Variants in ACAN observed in about 807,000 individuals in gnomAD.
The protein encoded by ACAN is aggrecan.
Under a neutral mutation model 169.1 loss-of-function variants are expected in ACAN, and 47 were observed. That is an observed-to-expected ratio of 0.28 (90% confidence interval 0.22 to 0.35). The LOEUF is 0.35. ACAN is among the 10% of genes least tolerant of loss of function. The probability of loss-of-function intolerance (pLI) is 1.00; values close to 1 mark genes in which losing one functional copy is unlikely to be tolerated. For synonymous variants in ACAN, 1,115 were observed against 1,112.2 expected (o/e 1.00, Z -0.05); for missense variants, 2,716 against 2,759.9 (o/e 0.98, Z 0.36).
At chr15:88,836,312 T>A in intron 2 of ACAN, 36 bp downstream of exon 2, 1 of 1,549,094 alleles carries the variant, frequency 6.5e-7, no homozygotes, top group East Asian at 2.2e-5. Context: ...ACGTATTCAG[T>A]AGGCATGAGT....
In ACAN at chr15:88,858,327, G is replaced by A; in HGVS notation, c.5742G>A (p.Gly1914=). The A allele has an allele frequency of 6.2e-7, 1 of 1,613,964 alleles. No individual in the cohort carries two copies. Among genetic ancestry groups the A allele is most frequent in the Non-Finnish European group, 8.5e-7 (1 of 1,179,900 alleles). Residue 1914 remains glycine (G), a synonymous_variant, in exon 12 of 19, where the codon GGG becomes GGA. Transcript: ENST00000560601. This position sits in a 1 kb window ranked among gnomAD's most constrained non-coding sequence, Gnocchi z 4.0. ...GAGAATCCTCCAGAGCTGAGATTGG[G>A]AGCAGCCTGCCCTCGGGAGCATATT... ...VSGESSRAEI[G]SSLPSGAYYG...
intron 1 of ACAN, among the ~76,000 whole-genome samples, chr15:88,816,453 A>T (rs929476590): frequency 5.9e-5 from 9 of 152,240 alleles, no homozygotes; most frequent in Non-Finnish European, 1.5e-5. Context: ...TTGAGTAGAA[A>T]GTGTTTGAAT....
At chr15:88,815,735 AC>A (rs1895926480) in intron 1 of ACAN, among the ~76,000 whole-genome samples, 1 of 150,398 alleles carries the variant, frequency 6.6e-6, no homozygotes. Flanking sequence ...AATCTAAGCG[AC>A]CCTGAGGTTG....
intron 5 of ACAN, 57 bp downstream of exon 5, chr15:88,841,924 C>G: frequency 5.0e-6 from 8 of 1,602,116 alleles, no homozygotes; most frequent in Non-Finnish European, 6.0e-6. Context: ...CCACCTTCCC[C>G]TCCCCATCTC....
In ACAN at chr15:88,807,747, AGTGTGTGTGTGTGTGTGTGTGT is replaced by A; in HGVS notation, c.-8+3956_-8+3977del. Among the ~76,000 whole-genome samples, 1 of 142,090 alleles carries A rather than the reference AGTGTGTGTGTGTGTGTGTGTGT, an allele frequency of 7.0e-6. No homozygotes were observed. Among genetic ancestry groups the A allele is most frequent in the East Asian group, 2.2e-4 (1 of 4,648 alleles). 93.2% of individuals were successfully genotyped at this position (142,090 alleles called of 152,430 possible). On this transcript the variant is annotated intron_variant, in intron 1 of 18. Coordinates refer to ENST00000560601, the MANE Select transcript of ACAN (RefSeq NM_001369268.1). This position sits in a 1 kb window ranked among gnomAD's most constrained non-coding sequence, Gnocchi z 4.0. ...CTCAGAGCCTCCTTATAAGTGGTGGAGTGTGTGTGTGTGTGTGTGTGTGTGTGTGTGTGTGTGTGCATGCTGG... is the reference window on the plus strand; with the variant it reads ...CTCAGAGCCTCCTTATAAGTGGTGGAGTGTGTGTGTGTGTGTGCATGCTGG...
chr15:88,857,494 G>T lies in ACAN; in HGVS notation c.4909G>T (p.Asp1637Tyr). 6.2e-7 allele frequency: 1 copy of T among 1,613,892 alleles called. No homozygotes were observed. Residue 1637 changes from aspartate (D) to tyrosine (Y), a missense_variant, in exon 12 of 19, where the codon GAC becomes TAC. Physicochemically the swap from Asp to Tyr is radical, Grantham distance 160. This residue lies in a region of ACAN where 1,389 missense variants were observed against 1,363.7 expected (regional missense o/e 1.02). Transcript: ENST00000560601. ...SGFSGEYSGV[D>Y]LGSGPPSGLP... ...ATTTAGTGGTGAGTATTCTGGGGTG[G>T]ACCTTGGAAGTGGCCCACCCTCTGG... is the stretch of plus-strand genomic sequence containing the variant.
chr15:88,853,197 C>G (rs569893750), intron 11 of ACAN, among the ~76,000 whole-genome samples: 1 of 152,162 alleles, frequency 6.6e-6, no homozygotes, highest in Non-Finnish European at 1.5e-5. Context: ...TGGGGAGTTA[C>G]CAGTGGGAAA....
chr15:88,827,318 A>C (rs1896248385), intron 1 of ACAN, among the ~76,000 whole-genome samples: 1 of 152,218 alleles, frequency 6.6e-6, no homozygotes, highest in Non-Finnish European at 1.5e-5. Context: ...TAGAGGAATG[A>C]TCCCTAGGCT....
rs982079740 is a variant in ACAN at position 88,858,682 on chromosome 15, G to A, written c.6097G>A (p.Glu2033Lys). 2 of 1,613,972 alleles carry A rather than the reference G, an allele frequency of 1.2e-6. No individual in the cohort carries two copies. The highest frequency in any genetic ancestry group is 1.7e-5 in the Admixed American group (1 of 60,026). Residue 2033 changes from glutamate to lysine, a missense_variant, in exon 12 of 19, where the codon GAA becomes AAA. Around this residue, in one of 3 missense-constraint regions of ACAN, gnomAD observed 1,389 missense variants for 1,363.7 expected, o/e 1.02. Coordinates refer to ENST00000560601, the MANE Select transcript of ACAN (RefSeq NM_001369268.1). This position sits in a 1 kb window ranked among gnomAD's most constrained non-coding sequence, Gnocchi z 4.0. ...CAGTGGAGAGGCCTCAGGACTTCCA[G>A]AAGTTACTTTAATCACTTCTGAGTT... The part of the protein sequence containing the change: ...GTSGEASGLP[E>K]VTLITSEFVE...
Position 88,828,576 on chromosome 15 carries a change from G to T in ACAN, c.-7-7624G>T, listed in dbSNP as rs185939975. ...TAGGCTGGACCTTCCCAGAGAATGT[G>T]CTCAATAGGCAAGCGAAACCCTTGT... On this transcript the variant is annotated intron_variant, in intron 1 of 18. Coordinates refer to ENST00000560601, the MANE Select transcript of ACAN (RefSeq NM_001369268.1). Among the ~76,000 whole-genome samples the T allele has an allele frequency of 5.5e-3, 830 of 152,258 alleles. 13 individuals carry two copies. The highest frequency in any genetic ancestry group is 0.019 in the African/African-American group (798 of 41,532).
chr15:88,823,343 G>A (rs997058240), intron 1 of ACAN, among the ~76,000 whole-genome samples: 5 of 152,170 alleles, frequency 3.3e-5, no homozygotes, highest in South Asian at 4.1e-4. Flanking sequence ...ACTTCCAAGT[G>A]CTTGGACTGG....
rs201642680 is a variant in ACAN, at chr15:88,849,649, A to G, written c.1944A>G (p.Pro648=). ...TPRPACGGDK[P]GVRTVYLYPN... ...GGCCTGCCTGCGGTGGGGACAAGCCAGGCGTGAGAACGGTCTACCTCTACC... is the reference window on the plus strand; with the variant it reads ...GGCCTGCCTGCGGTGGGGACAAGCCGGGCGTGAGAACGGTCTACCTCTACC... The change falls in exon 10 of 19, where the codon CCA becomes CCG. Residue 648 remains proline, a synonymous_variant. Transcript: ENST00000560601. This position sits in a 1 kb window ranked among gnomAD's most constrained non-coding sequence, Gnocchi z 5.1. 13 of 1,613,482 alleles carry G rather than the reference A, an allele frequency of 8.1e-6. No homozygotes were observed.
intron 1 of ACAN, among the ~76,000 whole-genome samples, chr15:88,822,110 A>G (rs964040606): frequency 1.3e-5 from 2 of 152,198 alleles, no homozygotes; most frequent in Non-Finnish European, 2.9e-5. Context: ...TCATATAGAC[A>G]TGGCTGACCT....
intron 11 of ACAN, among the ~76,000 whole-genome samples, chr15:88,853,227 A>G (rs1896969712): frequency 6.6e-6 from 1 of 152,242 alleles, no homozygotes; most frequent in African/African-American, 2.4e-5. Flanking sequence ...GCAGCCCCGT[A>G]GAAATGTTTT....
chr15:88,815,656 T>TAAAAAAAAAA (rs58267198), intron 1 of ACAN, among the ~76,000 whole-genome samples: 2 of 54,212 alleles, frequency 3.7e-5, no homozygotes, highest in African/African-American at 8.7e-5. Context: ...CTGCACTGAT[T>TAAAAAAAAAA]AAAAAAAAAA....
rs1013584279 is a variant in ACAN at position 88,871,715 on chromosome 15, G to C, written c.7219+175G>C. ...CCAGAGAGAAGACAACGGTCTTTGG[G>C]GCCAGAAGCTGTGGCTGCAGCCAGG... is the stretch of plus-strand genomic sequence containing the variant. On this transcript the variant is annotated intron_variant, in intron 15 of 18. Transcript: ENST00000560601. The surrounding 1 kb of genome is among the most constrained non-coding windows in gnomAD (Gnocchi z 7.8). Among the ~76,000 whole-genome samples the C allele has an allele frequency of 3.3e-5, 5 of 152,226 alleles. No homozygotes were observed. The highest frequency in any genetic ancestry group is 6.5e-5 in the Admixed American group (1 of 15,288).
rs995499290 is a variant in ACAN at position 88,838,237 on chromosome 15, G to A, written c.71-426G>A. 6.6e-6 allele frequency among the ~76,000 whole-genome samples: 1 copy of A among 152,108 alleles called. No homozygotes were observed. Among genetic ancestry groups the A allele is most frequent in the Non-Finnish European group, 1.5e-5 (1 of 68,022 alleles). On this transcript the variant is annotated intron_variant, in intron 2 of 18. Transcript: ENST00000560601. The surrounding 1 kb of genome is among the most constrained non-coding windows in gnomAD (Gnocchi z 5.1). Reference sequence around the variant, plus strand: ...TTTTCTGTCTCAGCTTTAAAATTGTGTAGATTACTTTTCTACCCCAACATA... The same window carrying A: ...TTTTCTGTCTCAGCTTTAAAATTGTATAGATTACTTTTCTACCCCAACATA...
At chr15:88,846,331 G>A (rs1336404251) in intron 7 of ACAN, among the ~76,000 whole-genome samples, 3 of 152,114 alleles carry the variant, frequency 2.0e-5, no homozygotes, top group Non-Finnish European at 4.4e-5. Flanking sequence ...CAGTGGGCTG[G>A]GTTTAGCTGT....
chr15:88,840,245 G>A, intron 4 of ACAN, 59 bp downstream of exon 4: 4 of 1,496,720 alleles, frequency 2.7e-6, no homozygotes, highest in South Asian at 1.3e-5. Context: ...GGGGAGTGGG[G>A]CGGGTGCTGG....
Sources: allele counts gnomAD v4.1 joint callset (sites outside exome capture counted in the v4.1 genomes callset), GRCh38; gene constraint gnomAD v4.1.1; regional missense constraint gnomAD v4.1.1; non-coding constraint Gnocchi (gnomAD v3.1); transcripts MANE v1.5; gene names NCBI Gene and HGNC (gene_info 2026-07-23, HGNC 2026-07-21).